The following CAPZA2 variants were observed in gnomAD, a reference collection of about 807,000 sequenced individuals.
CAPZA2 encodes F-actin-capping protein subunit alpha-2.
CAPZA2 carries 13 observed loss-of-function variants against 44.0 expected under a neutral mutation model. The ratio of observed to expected loss-of-function variants is 0.30; its 90% CI spans 0.19 to 0.47. The LOEUF (loss-of-function observed/expected upper bound fraction) is 0.47, where lower values mean the gene tolerates loss of function less well. Among genes scored for constraint, CAPZA2 ranks in the 20% least tolerant of loss-of-function variants. The pLI, the probability that CAPZA2 is intolerant of heterozygous loss-of-function variation, is 1.00. For synonymous variants in CAPZA2, 94 were observed against 108.2 expected, an observed-to-expected ratio of 0.87 and a Z score of 0.81; for missense variants, 244 against 338.6, an observed-to-expected ratio of 0.72 and a Z score of 2.19.
Position 116,888,150 on chromosome 7 carries a change from C to T in CAPZA2, c.63C>T (p.Ile21=). ...AGGTGCGTATAGCAGCAAAATTCAT[C>T]ATTCATGCCCCTCCTGGAGAATTTA... ...EEKVRIAAKF[I]IHAPPGEFNE... is the part of the protein sequence containing the mutation. Residue 21 remains isoleucine, a synonymous_variant, in exon 2 of 10, where the codon ATC becomes ATT. Transcript: ENST00000361183. 6.2e-7 allele frequency: 1 copy of T among 1,611,202 alleles called. No homozygotes were observed. The highest frequency in any genetic ancestry group is 8.5e-7 in the Non-Finnish European group (1 of 1,178,448).
chr7:116,906,390 C>G, intron 6 of CAPZA2, 48 bp downstream of exon 6: 1 of 1,590,004 alleles, frequency 6.3e-7, no homozygotes, highest in Non-Finnish European at 8.5e-7. Context: ...TGTTTTAAGT[C>G]TTTGTAGTTC....
At chr7:116,889,402 GA>G (rs1796802539) in intron 2 of CAPZA2, among the ~76,000 whole-genome samples, 2 of 151,992 alleles carry the variant, frequency 1.3e-5, no homozygotes, top group Non-Finnish European at 2.9e-5. Context: ...TGTTTTTTAA[GA>G]AGTTTAATCA....
At chr7:116,887,544 A>G (rs2115917241) in intron 1 of CAPZA2, among the ~76,000 whole-genome samples, 1 of 152,042 alleles carries the variant, frequency 6.6e-6, no homozygotes, top group East Asian at 1.9e-4. Context: ...AAAATGAAAT[A>G]AAATAGGCCA....
intron 2 of CAPZA2, among the ~76,000 whole-genome samples, chr7:116,891,818 T>C (rs1796850185): frequency 6.6e-6 from 1 of 152,192 alleles, no homozygotes; most frequent in African/African-American, 2.4e-5. Context: ...GCCAGGATAT[T>C]GTTTTTTAAA....
intron 5 of CAPZA2, among the ~76,000 whole-genome samples, chr7:116,905,419 C>T (rs1414187955): frequency 1.3e-5 from 2 of 152,128 alleles, no homozygotes; most frequent in African/African-American, 2.4e-5. Flanking sequence ...CACGTGGCCT[C>T]TGCTTACCCC....
At chr7:116,887,360 C>G (rs1317317553) in intron 1 of CAPZA2, among the ~76,000 whole-genome samples, 1 of 151,902 alleles carries the variant, frequency 6.6e-6, no homozygotes, top group Non-Finnish European at 1.5e-5. Flanking sequence ...GATCCCTTCT[C>G]TATCAAAAAT....
At chr7:116,891,116 C>G (rs1266565523) in intron 2 of CAPZA2, among the ~76,000 whole-genome samples, 3 of 152,144 alleles carry the variant, frequency 2.0e-5, no homozygotes, top group Non-Finnish European at 4.4e-5. Flanking sequence ...TATGTGTTGC[C>G]TGACTTGGAG....
Position 116,918,065 on chromosome 7 carries a change from A to G in CAPZA2, c.*198A>G. The G allele has an allele frequency of 2.1e-6, 1 of 478,160 alleles. No homozygotes were observed. The highest frequency in any genetic ancestry group is 1.9e-5 in the African/African-American group (1 of 52,246). 29.6% of individuals were successfully genotyped at this position (478,160 alleles called of 1,614,324 possible). A position where few individuals can be genotyped will look rare whatever the true frequency, so the allele number is the denominator to read the frequency against. Reference sequence around the variant, plus strand: ...TTTGTTTGTTCTAAGAGGATTGAAAATCAGTTTAGTTTAAATGTCTTTCTG... The same window carrying G: ...TTTGTTTGTTCTAAGAGGATTGAAAGTCAGTTTAGTTTAAATGTCTTTCTG... On this transcript the variant is annotated 3_prime_UTR_variant, in exon 10 of 10. Transcript: ENST00000361183.
intron 1 of CAPZA2, among the ~76,000 whole-genome samples, chr7:116,881,478 A>G (rs147179330): frequency 1.1e-3 from 166 of 152,168 alleles, no homozygotes; most frequent in African/African-American, 3.7e-3. Context: ...AGTGGCTCAC[A>G]CCTGTAATCC....
chr7:116,911,007 A>G (rs79430121), intron 7 of CAPZA2, among the ~76,000 whole-genome samples: 1 of 150,946 alleles, frequency 6.6e-6, no homozygotes, highest in Non-Finnish European at 1.5e-5. Context: ...AAAAAAAAAA[A>G]AAAAAGCATA....
At chr7:116,867,161 T>G (rs1410127317) in intron 1 of CAPZA2, among the ~76,000 whole-genome samples, 5 of 152,242 alleles carry the variant, frequency 3.3e-5, no homozygotes, top group Non-Finnish European at 5.9e-5. Context: ...TATCTCTGCA[T>G]TGACCTGATT....
intron 1 of CAPZA2, among the ~76,000 whole-genome samples, chr7:116,882,327 T>G (rs1302515546): frequency 6.6e-6 from 1 of 152,212 alleles, no homozygotes; most frequent in Non-Finnish European, 1.5e-5. Flanking sequence ...ATTTATTAAT[T>G]GGAATTCTAT....
intron 2 of CAPZA2, among the ~76,000 whole-genome samples, chr7:116,889,595 C>G (rs1183084095): frequency 6.6e-6 from 1 of 151,436 alleles, no homozygotes; most frequent in Non-Finnish European, 1.5e-5. Flanking sequence ...ATAATGGAAT[C>G]TCACCTCAGA....
chr7:116,876,906 C>T (rs1002944672), intron 1 of CAPZA2, among the ~76,000 whole-genome samples: 2 of 152,186 alleles, frequency 1.3e-5, no homozygotes, highest in South Asian at 2.1e-4. Flanking sequence ...AGGAGGCAGA[C>T]TTTAGTAAGT....
chr7:116,896,008 T>A (rs1281387030), intron 3 of CAPZA2, among the ~76,000 whole-genome samples: 1 of 152,160 alleles, frequency 6.6e-6, no homozygotes, highest in African/African-American at 2.4e-5. Context: ...ATTTAGAATG[T>A]GTTCCAGTGG....
rs77080248 is a variant in CAPZA2, at chr7:116,916,045, T to G, written c.658-15T>G. 90 of 1,417,824 alleles carry G rather than the reference T, an allele frequency of 6.3e-5. No homozygotes were observed. Among genetic ancestry groups the G allele is most frequent in the Middle Eastern group, 2.5e-4 (1 of 4,052 alleles). 87.8% of individuals were successfully genotyped at this position (1,417,824 alleles called of 1,614,324 possible). A position where few individuals can be genotyped will look rare whatever the true frequency, so the allele number is the denominator to read the frequency against. On this transcript the variant is annotated splice_polypyrimidine_tract_variant and intron_variant, in intron 8 of 9. Transcript: ENST00000361183. ...TTTTAAATTACTATTTTTATTTTGTTTTTTTTTTTTTCAGAATGAAGTGCA... is the reference window on the plus strand; with the variant it reads ...TTTTAAATTACTATTTTTATTTTGTGTTTTTTTTTTTCAGAATGAAGTGCA...
chr7:116,891,103 GT>G (rs1796841452), intron 2 of CAPZA2, among the ~76,000 whole-genome samples: 1 of 152,238 alleles, frequency 6.6e-6, no homozygotes, highest in South Asian at 2.1e-4. Context: ...CCACCCTGTG[GT>G]TTATGTGTTG....
At position 116,921,368 on chromosome 7, in the gene CAPZA2, G is replaced by A. The variant is rs185025702; in HGVS notation, c.*3501G>A. ...CTGCACTCCAGGCTGGCGACAGAGC[G>A]AGACTCTGTCCCAAAAAAAAAAAAA... On this transcript the variant is annotated 3_prime_UTR_variant, in exon 10 of 10. Transcript: ENST00000361183. The A allele has an allele frequency of 8.6e-3, 1,245 of 144,374 alleles. 9 individuals carry two copies. Among genetic ancestry groups the A allele is most frequent in the Non-Finnish European group, 0.013 (870 of 66,996 alleles). 8.9% of individuals were successfully genotyped at this position (144,374 alleles called of 1,614,324 possible). A position where few individuals can be genotyped will look rare whatever the true frequency, so the allele number is the denominator to read the frequency against.
chr7:116,894,870 T>C (rs1378266543), intron 3 of CAPZA2, among the ~76,000 whole-genome samples: 2 of 152,300 alleles, frequency 1.3e-5, no homozygotes, highest in South Asian at 2.1e-4. Context: ...GTTGTATCTG[T>C]ATAGCACATT....
Sources: gnomAD v4.1 joint callset for allele counts (sites outside exome capture counted in the v4.1 genomes callset) on GRCh38, gnomAD v4.1.1 for gene constraint, MANE v1.5 for transcripts, NCBI Gene and HGNC (gene_info 2026-07-23, HGNC 2026-07-21) for gene names.